The following HNRNPUL1 variants were observed in gnomAD, a reference collection of about 807,000 sequenced individuals.
HNRNPUL1 encodes the protein heterogeneous nuclear ribonucleoprotein U like 1.
In HNRNPUL1, 14 loss-of-function variants were observed where a neutral mutation model predicts 108.5. The ratio of observed to expected loss-of-function variants is 0.13; its 90% CI spans 0.09 to 0.20. The LOEUF (loss-of-function observed/expected upper bound fraction) is 0.20, where lower values mean the gene tolerates loss of function less well. HNRNPUL1 is among the 10% of genes least tolerant of loss of function. HNRNPUL1 has a pLI of 1.00. For synonymous variants in HNRNPUL1, 422 were observed against 445.2 expected, an observed-to-expected ratio of 0.95 and a Z score of 0.66; for missense variants, 804 against 1,168.3, an observed-to-expected ratio of 0.69 and a Z score of 4.55.
chr19:41,293,504 CT>C lies in HNRNPUL1; in HGVS notation c.1267-833del, dbSNP rs1229354196. Among the ~76,000 whole-genome samples the C allele has an allele frequency of 5.9e-5, 9 of 152,190 alleles. No homozygotes were observed. In the South Asian group the frequency reaches 6.2e-4, roughly 11 times the overall value. ...GGCCTTACAAACTCGCCACTCCCCC[CT>C]AGTCGGGCATTTAAGATGCATCTGT... On this transcript the variant is annotated intron_variant, in intron 8 of 14. Coordinates refer to ENST00000392006, the MANE Select transcript of HNRNPUL1 (RefSeq NM_007040.6).
chr19:41,268,357 C>T lies in HNRNPUL1; in HGVS notation c.418+12C>T, dbSNP rs189118474. The T allele has an allele frequency of 6.2e-7, 1 of 1,612,372 alleles. No individual in the cohort carries two copies. The highest frequency in any genetic ancestry group is 1.7e-5 in the Admixed American group (1 of 59,708). Reference sequence around the variant, plus strand: ...GGCCTATCGTCCAGGTAGGAAAATACACATGGTTCATCTCTTTGGATGGAA... The same window carrying T: ...GGCCTATCGTCCAGGTAGGAAAATATACATGGTTCATCTCTTTGGATGGAA... On this transcript the variant is annotated intron_variant, in intron 2 of 14. Transcript: ENST00000392006.
intron 2 of HNRNPUL1, 141 bp downstream of exon 2, chr19:41,268,486 A>G: frequency 1.1e-6 from 1 of 877,668 alleles, no homozygotes; most frequent in Non-Finnish European, 1.7e-6. Context: ...CACTCTGGCA[A>G]GAATTGTTTA....
At chr19:41,285,228 G>A (rs1288050364) in intron 7 of HNRNPUL1, among the ~76,000 whole-genome samples, 2 of 152,102 alleles carry the variant, frequency 1.3e-5, no homozygotes, top group Non-Finnish European at 2.9e-5. Context: ...GCATCATTAA[G>A]GTATAATTGA....
chr19:41,301,768 CT>C, intron 11 of HNRNPUL1, 64 bp downstream of exon 11: 1 of 1,428,072 alleles, frequency 7.0e-7, no homozygotes, highest in Non-Finnish European at 9.5e-7. Flanking sequence ...AAGCTCTTTA[CT>C]CAGTTTGTCC....
chr19:41,282,202 A>G (rs1277489856), intron 7 of HNRNPUL1, among the ~76,000 whole-genome samples: 1 of 151,728 alleles, frequency 6.6e-6, no homozygotes, highest in East Asian at 1.9e-4. Context: ...TATTTTTGAG[A>G]TGAGTTTTTT....
chr19:41,305,404 G>C (rs973052513), intron 13 of HNRNPUL1, among the ~76,000 whole-genome samples: 2 of 152,210 alleles, frequency 1.3e-5, no homozygotes, highest in African/African-American at 4.8e-5. Flanking sequence ...AGAAAACTGA[G>C]ATTTCAAGAA....
chr19:41,304,073 C>T lies in HNRNPUL1; in HGVS notation c.2074C>T (p.Pro692Ser), dbSNP rs2037398918. 1 of 1,613,398 alleles carries T rather than the reference C, an allele frequency of 6.2e-7. No homozygotes were observed. The highest frequency in any genetic ancestry group is 8.5e-7 in the Non-Finnish European group (1 of 1,179,330). ...SNNRGSYNRA[P>S]QQQPPPQQPP... is the part of the protein sequence containing the mutation. ...CAACAGAGGCAGCTACAACCGGGCTCCCCAGCAACAGCCGCCACCACAGCA... is the reference window on the plus strand; with the variant it reads ...CAACAGAGGCAGCTACAACCGGGCTTCCCAGCAACAGCCGCCACCACAGCA... Residue 692 changes from proline (P) to serine (S), a missense_variant, in exon 13 of 15, where the codon CCC becomes TCC. This residue lies in a region of HNRNPUL1 where 294 missense variants were observed against 388.3 expected (regional missense o/e 0.76). Transcript: ENST00000392006.
In HNRNPUL1 at chr19:41,306,822, C is replaced by T. The variant is rs1457293953; in HGVS notation, c.*257C>T. On this transcript the variant is annotated 3_prime_UTR_variant, in exon 15 of 15. Transcript: ENST00000392006. ...CCCCACCTCCCCAGCCTTCCACCTCCTGTTCTTCCTACCTTCTTCCTTTTT... is the reference window on the plus strand; with the variant it reads ...CCCCACCTCCCCAGCCTTCCACCTCTTGTTCTTCCTACCTTCTTCCTTTTT... The T allele has an allele frequency of 9.1e-6, 3 of 329,184 alleles. No homozygotes were observed. Among genetic ancestry groups the T allele is most frequent in the African/African-American group, 2.1e-5 (1 of 46,982 alleles). 20.4% of individuals were successfully genotyped at this position (329,184 alleles called of 1,614,324 possible). A position where few individuals can be genotyped will look rare whatever the true frequency, so the allele number is the denominator to read the frequency against.
At chr19:41,265,303 A>C (rs746134880) in intron 1 of HNRNPUL1, 5 of 1,516,078 alleles carry the variant, frequency 3.3e-6, no homozygotes, top group Non-Finnish European at 4.4e-6. Flanking sequence ...AGGATCCTGG[A>C]ATATGCCGCT....
chr19:41,272,845 C>T (rs146583851), intron 3 of HNRNPUL1, among the ~76,000 whole-genome samples: 4 of 152,324 alleles, frequency 2.6e-5, no homozygotes, highest in African/African-American at 7.2e-5. Context: ...AAGCCCTTCC[C>T]TCCTTTCCCT....
Position 41,264,493 on chromosome 19 carries a change from G to T in HNRNPUL1, c.-11G>T, listed in dbSNP as rs773689517. On this transcript the variant is annotated 5_prime_UTR_variant, in exon 1 of 15. Coordinates refer to ENST00000392006, the MANE Select transcript of HNRNPUL1 (RefSeq NM_007040.6). The stretch of plus-strand genomic sequence containing the variant: ...GGGCCGGGCTCGGGGGCCACCCCGG[G>T]GGCCCGGGCCATGGATGTGCGCCGT... 1.0e-5 allele frequency: 14 copies of T among 1,355,082 alleles called. No individual in the cohort carries two copies. The East Asian group carries it at 3.9e-4, about 38-fold the overall frequency. The allele number at this position is 1,355,082 out of a possible 1,614,324, so 83.9% of individuals were successfully genotyped here. A position where few individuals can be genotyped will look rare whatever the true frequency, so the allele number is the denominator to read the frequency against.
intron 2 of HNRNPUL1, among the ~76,000 whole-genome samples, chr19:41,269,495 A>G (rs1031743791): frequency 6.6e-6 from 1 of 151,510 alleles, no homozygotes; most frequent in Non-Finnish European, 1.5e-5. Context: ...AAAAAAAAAA[A>G]AAAAAAAACC....
At chr19:41,276,076 C>G in intron 4 of HNRNPUL1, 83 bp from the exon 5 acceptor site, 1 of 1,583,438 alleles carries the variant, frequency 6.3e-7, no homozygotes, top group Non-Finnish European at 8.6e-7. Context: ...GCACTCCAGC[C>G]TGGGCAAAAA....
At position 41,284,293 on chromosome 19, in the gene HNRNPUL1, C is replaced by T. The variant is rs1005417290; in HGVS notation, c.999+3018C>T. ...AATCCAGCATAAGGACCACTGTAAACGAAAAAAAGAAAAAATTCCCGAAGC... is the reference window on the plus strand; with the variant it reads ...AATCCAGCATAAGGACCACTGTAAATGAAAAAAAGAAAAAATTCCCGAAGC... On this transcript the variant is annotated intron_variant, in intron 7 of 14. Coordinates refer to ENST00000392006, the MANE Select transcript of HNRNPUL1 (RefSeq NM_007040.6). Among the ~76,000 whole-genome samples the T allele has an allele frequency of 2.0e-4, 30 of 148,676 alleles. 1 individual carries two copies. The highest frequency in any genetic ancestry group is 4.4e-4 in the Non-Finnish European group (29 of 65,984).
chr19:41,275,412 A>C (rs1301729830), intron 4 of HNRNPUL1, among the ~76,000 whole-genome samples: 1 of 152,110 alleles, frequency 6.6e-6, no homozygotes, highest in Non-Finnish European at 1.5e-5. Flanking sequence ...GCTTAAGCGC[A>C]GGAGAACAGA....
Position 41,279,053 on chromosome 19 carries a change from A to AG in HNRNPUL1, c.787-23dup, listed in dbSNP as rs2035750525. ...TACGGCCTCCAGAGAAGCAACCCTG[A>AG]GCCCTTTTGTCCTCTTTCCTCAGAT... On this transcript the variant is annotated intron_variant, in intron 5 of 14. Transcript: ENST00000392006. The AG allele has an allele frequency of 2.5e-6, 4 of 1,576,206 alleles. No homozygotes were observed. In the South Asian group the frequency reaches 4.4e-5, roughly 17 times the overall value.
chr19:41,304,404 C>T (rs911484344), intron 13 of HNRNPUL1, 143 bp downstream of exon 13: 1 of 1,416,780 alleles, frequency 7.1e-7, no homozygotes, highest in African/African-American at 1.4e-5. Context: ...GCCCTTCTTT[C>T]TCCCTGGCCG....
At chr19:41,270,448 G>C (rs532672010) in intron 2 of HNRNPUL1, among the ~76,000 whole-genome samples, 14 of 151,776 alleles carry the variant, frequency 9.2e-5, no homozygotes, top group Non-Finnish European at 1.9e-4. Context: ...GTGTCTTCTT[G>C]GGCTGGTGTT....
intron 1 of HNRNPUL1, among the ~76,000 whole-genome samples, chr19:41,267,375 A>G (rs200648367): frequency 6.6e-6 from 1 of 152,176 alleles, no homozygotes; most frequent in East Asian, 1.9e-4. Context: ...TTGTGCTTGG[A>G]GCCTGGAAGC....
Sources: gnomAD v4.1 joint callset for allele counts (sites outside exome capture counted in the v4.1 genomes callset) on GRCh38, gnomAD v4.1.1 for gene constraint, gnomAD v4.1.1 regional missense constraint, MANE v1.5 for transcripts, NCBI Gene and HGNC (gene_info 2026-07-23, HGNC 2026-07-21) for gene names.